Variants in ZNF713 observed in about 807,000 individuals in gnomAD.
ZNF713 encodes the protein zinc finger protein 713.
ZNF713 carries 21 observed loss-of-function variants against 28.7 expected under a neutral mutation model. That is an observed-to-expected ratio of 0.73 (90% CI 0.52 to 1.05). The LOEUF is 1.05. ZNF713 is among the 50% of genes least tolerant of loss of function. The pLI is 0.00. For missense variants in ZNF713, 458 were observed against 532.4 expected (o/e 0.86, Z 1.37); for synonymous variants, 167 against 178.0 (o/e 0.94, Z 0.49).
intron 6 of ZNF713, among the ~76,000 whole-genome samples, chr7:55,932,579 G>A (rs1786233872): frequency 6.6e-6 from 1 of 150,614 alleles, no homozygotes; most frequent in Admixed American, 6.7e-5. Flanking sequence ...TACTCTTGCT[G>A]TGCTATTTCT....
At chr7:55,907,519 G>A (rs536938183) in intron 2 of ZNF713, among the ~76,000 whole-genome samples, 32 of 152,252 alleles carry the variant, frequency 2.1e-4, no homozygotes, top group Admixed American at 1.9e-3. Context: ...GACATGTTGC[G>A]TAGCAATGTG....
At chr7:55,930,729 C>T (rs537710697) in intron 6 of ZNF713, among the ~76,000 whole-genome samples, 41 of 152,030 alleles carry the variant, frequency 2.7e-4, no homozygotes, top group African/African-American at 8.7e-4. Context: ...TCGTGCTACT[C>T]GCCTCCAGCC....
At chr7:55,915,055 A>G (rs1337664985) in intron 4 of ZNF713, among the ~76,000 whole-genome samples, 1 of 152,170 alleles carries the variant, frequency 6.6e-6, no homozygotes, top group Non-Finnish European at 1.5e-5. Context: ...GGGTTTCACC[A>G]TGTTGGCCAG....
intron 1 of ZNF713, among the ~76,000 whole-genome samples, chr7:55,895,615 C>T (rs1249844746): frequency 4.0e-5 from 6 of 151,566 alleles, no homozygotes; most frequent in East Asian, 3.9e-4. Context: ...ATTACAGGCA[C>T]GCGCCACCAT....
intron 6 of ZNF713, chr7:55,924,834 A>G (rs1363070739): frequency 6.6e-6 from 1 of 152,248 alleles, no homozygotes. Context: ...AGATCGCGCC[A>G]CTGCACTCCA....
intron 4 of ZNF713, among the ~76,000 whole-genome samples, chr7:55,921,170 T>G (rs1402273297): frequency 6.6e-6 from 1 of 152,052 alleles, no homozygotes; most frequent in East Asian, 1.9e-4. Flanking sequence ...AACCCACTGT[T>G]AAGAACCACT....
chr7:55,919,508 T>TTTG lies in ZNF713; in HGVS notation c.88-3652_88-3651insGTT, dbSNP rs1785949598. Among the ~76,000 whole-genome samples, 3 of 89,606 alleles carry TTTG rather than the reference T, an allele frequency of 3.3e-5. 1 individual carries two copies. The highest frequency in any genetic ancestry group is 1.4e-4 in the African/African-American group (3 of 21,972). 58.8% of individuals were successfully genotyped at this position (89,606 alleles called of 152,430 possible). On this transcript the variant is annotated intron_variant, in intron 4 of 6. Transcript: ENST00000429591. The stretch of plus-strand genomic sequence containing the variant: ...CACTCCAGTTTTTTTTTTTTTTTTT[T>TTTG]TTTTTTTTTTTTTTTGAGATGAAGT...
chr7:55,933,042 C>A (rs925764880), intron 6 of ZNF713, among the ~76,000 whole-genome samples: 17 of 151,472 alleles, frequency 1.1e-4, no homozygotes, highest in Non-Finnish European at 2.4e-4. Flanking sequence ...TCAAGACCAG[C>A]CTGACTAACA....
chr7:55,889,284 T>C (rs1785335435), intron 1 of ZNF713, among the ~76,000 whole-genome samples: 1 of 152,032 alleles, frequency 6.6e-6, no homozygotes, highest in African/African-American at 2.4e-5. Flanking sequence ...GTATTTTTAG[T>C]AGAGACGGAG....
At chr7:55,938,259 A>C (rs1331970629) in intron 6 of ZNF713, among the ~76,000 whole-genome samples, 1 of 152,190 alleles carries the variant, frequency 6.6e-6, no homozygotes, top group African/African-American at 2.4e-5. Flanking sequence ...TCAAGTCTTC[A>C]TCTAGAAGCA....
intron 1 of ZNF713, among the ~76,000 whole-genome samples, chr7:55,896,593 G>GTA (rs1168154757): frequency 7.6e-6 from 1 of 130,762 alleles, no homozygotes; most frequent in Non-Finnish European, 1.7e-5. Flanking sequence ...ATATGTGTGT[G>GTA]TGTGTGTGTA....
At position 55,900,454 on chromosome 7, in the gene ZNF713, C is replaced by T. The variant is rs373919564; in HGVS notation, c.-582-5799C>T. On this transcript the variant is annotated intron_variant, in intron 1 of 6. Transcript: ENST00000429591. ...CTGCACTCCAGCCTGGGCAACAGAG[C>T]GAGACTCCATTTCAAAAAAAAAAAA... 5.6e-4 allele frequency among the ~76,000 whole-genome samples: 83 copies of T among 148,454 alleles called. 1 individual carries two copies. Among genetic ancestry groups the T allele is most frequent in the African/African-American group, 1.8e-3 (73 of 40,590 alleles).
At chr7:55,934,884 C>CTTTTTT (rs35877447) in intron 6 of ZNF713, among the ~76,000 whole-genome samples, 2 of 131,584 alleles carry the variant, frequency 1.5e-5, no homozygotes, top group Non-Finnish European at 3.3e-5. Flanking sequence ...CTGGCATTGC[C>CTTTTTT]TTTTTTTTTT....
In ZNF713 at chr7:55,908,280, T is replaced by C. The variant is rs576431816; in HGVS notation, c.-456+1901T>C. Among the ~76,000 whole-genome samples the C allele has an allele frequency of 3.9e-5, 6 of 152,062 alleles. No homozygotes were observed. The South Asian group carries it at 8.3e-4, about 21-fold the overall frequency. The stretch of plus-strand genomic sequence containing the variant: ...GCCTCAGCCTTCTGAATAGCTGGGA[T>C]TACAGGCATGCACCGCCGTACCCGG... On this transcript the variant is annotated intron_variant, in intron 2 of 6. Transcript: ENST00000429591.
In ZNF713 at chr7:55,940,435, A is replaced by ATT; in HGVS notation, c.*430_*431insTT. The ATT allele has an allele frequency of 1.0e-6, 1 of 987,796 alleles. No homozygotes were observed. The highest frequency in any genetic ancestry group is 1.2e-6 in the Non-Finnish European group (1 of 831,734). The allele number at this position is 987,796 out of a possible 1,614,324, so 61.2% of individuals were successfully genotyped here. A position where few individuals can be genotyped will look rare whatever the true frequency, so the allele number is the denominator to read the frequency against. On this transcript the variant is annotated 3_prime_UTR_variant, in exon 7 of 7. Coordinates refer to ENST00000429591, the MANE Select transcript of ZNF713 (RefSeq NM_182633.3). ...CACTGCGCCTGGCCATAAACTTTCA[A>ATT]TGCGTAGAAACCAAATTAATTTAGA... is the stretch of plus-strand genomic sequence containing the variant.
Position 55,940,199 on chromosome 7 carries a change from T to G in ZNF713, c.*193T>G, listed in dbSNP as rs1786437215. ...GTGCAGTGGTACAATCTTGGCTCAC[T>G]GCAACCTCTGCCACCTGGGTTCAAG... On this transcript the variant is annotated 3_prime_UTR_variant, in exon 7 of 7. Coordinates refer to ENST00000429591, the MANE Select transcript of ZNF713 (RefSeq NM_182633.3). 1.0e-6 allele frequency: 1 copy of G among 979,520 alleles called. No homozygotes were observed. The highest frequency in any genetic ancestry group is 1.7e-5 in the African/African-American group (1 of 59,874). The allele number at this position is 979,520 out of a possible 1,614,324, so 60.7% of individuals were successfully genotyped here.
At chr7:55,932,756 C>T (rs1256672303) in intron 6 of ZNF713, among the ~76,000 whole-genome samples, 1 of 147,732 alleles carries the variant, frequency 6.8e-6, no homozygotes, top group South Asian at 2.2e-4. Context: ...CAGTGGCGGG[C>T]GCCTGTAGTC....
At chr7:55,926,783 G>A (rs1304725438) in intron 6 of ZNF713, among the ~76,000 whole-genome samples, 4 of 152,148 alleles carry the variant, frequency 2.6e-5, no homozygotes, top group African/African-American at 9.7e-5. Flanking sequence ...TGAACAACGG[G>A]GAGGTTTAAA....
chr7:55,900,483 G>C (rs377672582), intron 1 of ZNF713, among the ~76,000 whole-genome samples: 1 of 151,646 alleles, frequency 6.6e-6, no homozygotes, highest in South Asian at 2.1e-4. Context: ...AAAAAAATGT[G>C]GTATATATAC....
Sources: gnomAD v4.1 joint callset for allele counts (sites outside exome capture counted in the v4.1 genomes callset) on GRCh38, gnomAD v4.1.1 for gene constraint, MANE v1.5 for transcripts, NCBI Gene and HGNC (gene_info 2026-07-23, HGNC 2026-07-21) for gene names.